The following ANKDD1B variants were observed in gnomAD, a reference collection of about 807,000 sequenced individuals.
The protein encoded by ANKDD1B is ankyrin repeat and death domain-containing protein 1B.
In ANKDD1B, 57 loss-of-function variants were observed where a neutral mutation model predicts 59.7. The observed-to-expected ratio is 0.95, with a 90% CI of 0.77 to 1.19. The LOEUF is 1.19. Among genes scored for constraint, ANKDD1B ranks in the 50% most tolerant of loss-of-function variants. The probability of loss-of-function intolerance (pLI) is 0.00; values close to 1 mark genes in which losing one functional copy is unlikely to be tolerated. For missense variants in ANKDD1B, 602 were observed against 641.9 expected (o/e 0.94, Z 0.67); for synonymous variants, 216 against 239.5 (o/e 0.90, Z 0.91).
intron 7 of ANKDD1B, among the ~76,000 whole-genome samples, chr5:75,650,792 G>A (rs1383568575): frequency 6.6e-6 from 1 of 152,150 alleles, no homozygotes; most frequent in Non-Finnish European, 1.5e-5. Flanking sequence ...AAACAACAAT[G>A]TATTATTATT....
At chr5:75,651,698 A>G (rs1774836047) in intron 7 of ANKDD1B, among the ~76,000 whole-genome samples, 1 of 152,232 alleles carries the variant, frequency 6.6e-6, no homozygotes, top group African/African-American at 2.4e-5. Context: ...GTTCTAGTCC[A>G]CTTCCTACTT....
chr5:75,612,456 A>G (rs570549125), intron 1 of ANKDD1B, among the ~76,000 whole-genome samples: 31 of 146,842 alleles, frequency 2.1e-4, no homozygotes, highest in African/African-American at 7.8e-4. Flanking sequence ...CAGCCTTCCC[A>G]GTACTCAAGC....
chr5:75,615,958 G>A (rs764734741), intron 1 of ANKDD1B, among the ~76,000 whole-genome samples: 1 of 152,056 alleles, frequency 6.6e-6, no homozygotes, highest in Non-Finnish European at 1.5e-5. Flanking sequence ...CTTTGCTTCG[G>A]CAAAAACTTG....
At position 75,663,395 on chromosome 5, in the gene ANKDD1B, A is replaced by G. The variant is rs6869286; in HGVS notation, c.1097A>G (p.Gln366Arg). 18,111 of 1,535,782 alleles carry G rather than the reference A, an allele frequency of 0.012. 1,841 individuals are homozygous for G. In the African/African-American group the frequency reaches 0.22, roughly 19 times the overall value. ...AGCDLKAVDKQGKTALAVASR... is the reference protein window; with the variant it reads ...AGCDLKAVDKRGKTALAVASR... ...ATTTTTTTTCTTTTTTAATTTTAGCAAGGAAAGACTGCCCTGGCTGTGGCC... is the reference window on the plus strand; with the variant it reads ...ATTTTTTTTCTTTTTTAATTTTAGCGAGGAAAGACTGCCCTGGCTGTGGCC... Residue 366 changes from glutamine (Q) to arginine (R), a missense_variant and splice_region_variant, in exon 11 of 14, where the codon CAA becomes CGA. Transcript: ENST00000601380.
At position 75,666,737 on chromosome 5, in the gene ANKDD1B, A is replaced by G. The variant is rs141726698; in HGVS notation, c.1192-55A>G. 11,302 of 1,280,460 alleles carry G rather than the reference A, an allele frequency of 8.8e-3. 84 individuals are homozygous for G. The highest frequency in any genetic ancestry group is 0.04 in the Middle Eastern group (217 of 5,474). 79.3% of individuals were successfully genotyped at this position (1,280,460 alleles called of 1,614,324 possible). On this transcript the variant is annotated intron_variant, in intron 11 of 13. Coordinates refer to ENST00000601380, the MANE Select transcript of ANKDD1B (RefSeq NM_001276713.2). ...TTGAAAAACATATATACTCTGAAATAAGGTAATAAGTAGAACATGTCTGAA... is the reference window on the plus strand; with the variant it reads ...TTGAAAAACATATATACTCTGAAATGAGGTAATAAGTAGAACATGTCTGAA...
intron 3 of ANKDD1B, among the ~76,000 whole-genome samples, chr5:75,621,185 A>G (rs1010572444): frequency 1.3e-5 from 2 of 152,180 alleles, no homozygotes; most frequent in African/African-American, 2.4e-5. Flanking sequence ...CAGGGCCAGT[A>G]GAGAAAAATG....
intron 7 of ANKDD1B, among the ~76,000 whole-genome samples, chr5:75,636,819 G>C (rs1414934980): frequency 6.6e-6 from 1 of 152,124 alleles, no homozygotes; most frequent in Non-Finnish European, 1.5e-5. Context: ...TCTGCCCCCA[G>C]CTGTCTGGCT....
rs1335335330 is a variant in ANKDD1B at position 75,656,101 on chromosome 5, C to T, written c.970C>T (p.Gln324Ter). 3.3e-6 allele frequency: 5 copies of T among 1,523,546 alleles called. No homozygotes were observed. In the East Asian group the frequency reaches 1.2e-4, roughly 37 times the overall value. 94.4% of individuals were successfully genotyped at this position (1,523,546 alleles called of 1,614,324 possible). ...GGTTGTAAACAGTTTATTAAGTGCA[C>T]AGCATGATATTGACATCTTAAATCA... ...ITVVNSLLSA[Q>*]HDIDILNQKQ... Residue 324 changes from glutamine to a stop codon, truncating the protein, a stop_gained, in exon 9 of 14, where the codon CAG (glutamine) becomes TAG (stop). Transcript: ENST00000601380. LOFTEE classifies it high-confidence loss of function.
intron 5 of ANKDD1B, among the ~76,000 whole-genome samples, chr5:75,629,266 C>T (rs1388417926): frequency 1.4e-5 from 2 of 146,548 alleles, no homozygotes; most frequent in Non-Finnish European, 3.0e-5. Context: ...TAACACACTG[C>T]TTTTTTTTTT....
In ANKDD1B at chr5:75,619,485, T is replaced by C. The variant is rs181728623; in HGVS notation, c.298-830T>C. Among the ~76,000 whole-genome samples, 193 of 152,358 alleles carry C rather than the reference T, an allele frequency of 1.3e-3. 1 individual carries two copies. Among genetic ancestry groups the C allele is most frequent in the Admixed American group, 2.9e-3 (44 of 15,306 alleles). ...GCTTTATTCCCAAATAAATATATTT[T>C]CTTTTGAGAGTATCTCTTATTATTT... On this transcript the variant is annotated intron_variant, in intron 2 of 13. Coordinates refer to ENST00000601380, the MANE Select transcript of ANKDD1B (RefSeq NM_001276713.2).
intron 2 of ANKDD1B, among the ~76,000 whole-genome samples, chr5:75,619,311 C>T (rs1359560946): frequency 2.0e-5 from 3 of 152,158 alleles, no homozygotes; most frequent in African/African-American, 7.2e-5. Flanking sequence ...CTAAGACTGG[C>T]GTCAGCTTGT....
At chr5:75,636,206 G>T (rs1774296977) in intron 7 of ANKDD1B, among the ~76,000 whole-genome samples, 1 of 152,182 alleles carries the variant, frequency 6.6e-6, no homozygotes, top group African/African-American at 2.4e-5. Context: ...AATAATAGAA[G>T]TCTACAGAGA....
chr5:75,625,707 C>T lies in ANKDD1B; in HGVS notation c.457C>T (p.Leu153=). The change falls in exon 4 of 14, where the codon CTG becomes TTG. Residue 153 remains leucine, a synonymous_variant. Transcript: ENST00000601380. ...TGGGAGCCTTGAGGTCATGCTCATG[C>T]TGGTTAAAGCTGGAGCAGACCAGAG... The part of the protein sequence containing the change: ...WSGSLEVMLM[L]VKAGADQRAK... 6.5e-7 allele frequency: 1 copy of T among 1,536,384 alleles called. No homozygotes were observed. The highest frequency in any genetic ancestry group is 8.7e-7 in the Non-Finnish European group (1 of 1,146,958).
intron 7 of ANKDD1B, among the ~76,000 whole-genome samples, chr5:75,649,987 A>G (rs1377476257): frequency 6.6e-6 from 1 of 152,144 alleles, no homozygotes; most frequent in African/African-American, 2.4e-5. Flanking sequence ...TGCTCAATAT[A>G]TTTTTTGTGG....
At position 75,625,720 on chromosome 5, in the gene ANKDD1B, G is replaced by T; in HGVS notation, c.470G>T (p.Gly157Val). 6.5e-7 allele frequency: 1 copy of T among 1,536,334 alleles called. No homozygotes were observed. ...GTCATGCTCATGCTGGTTAAAGCTG[G>T]AGCAGACCAGAGAGCCAAGAATCAG... The part of the protein sequence containing the change: ...LEVMLMLVKA[G>V]ADQRAKNQDG... The change falls in exon 4 of 14, where the codon GGA (glycine) becomes GTA (valine). Residue 157 changes from glycine to valine, a missense_variant. By Grantham distance (109) the Gly-to-Val change is moderately radical (BLOSUM62 -3). Coordinates refer to ENST00000601380, the MANE Select transcript of ANKDD1B (RefSeq NM_001276713.2).
At chr5:75,651,449 C>A (rs1774829386) in intron 7 of ANKDD1B, among the ~76,000 whole-genome samples, 1 of 152,232 alleles carries the variant, frequency 6.6e-6, no homozygotes, top group African/African-American at 2.4e-5. Flanking sequence ...GTGCCCGACT[C>A]CTTGGGCACT....
At position 75,654,129 on chromosome 5, in the gene ANKDD1B, A is replaced by G. The variant is rs1774898155; in HGVS notation, c.897+889A>G. Among the ~76,000 whole-genome samples, 5 of 151,926 alleles carry G rather than the reference A, an allele frequency of 3.3e-5. 1 individual carries two copies. In the South Asian group the frequency reaches 1.0e-3, roughly 32 times the overall value. Reference sequence around the variant, plus strand: ...CTGCTCACATCATCTGTCTGCTCTGACCCTTGCTGGCCTCCGACAGTCTCT... The same window carrying G: ...CTGCTCACATCATCTGTCTGCTCTGGCCCTTGCTGGCCTCCGACAGTCTCT... On this transcript the variant is annotated intron_variant, in intron 8 of 13. Transcript: ENST00000601380.
intron 11 of ANKDD1B, among the ~76,000 whole-genome samples, chr5:75,665,563 A>G (rs956154036): frequency 1.3e-5 from 2 of 152,242 alleles, no homozygotes; most frequent in Non-Finnish European, 1.5e-5. Flanking sequence ...AGTAAAGCTG[A>G]GGCTGGGTTG....
intron 10 of ANKDD1B, among the ~76,000 whole-genome samples, chr5:75,660,581 G>A (rs1775109292): frequency 6.6e-6 from 1 of 152,232 alleles, no homozygotes; most frequent in African/African-American, 2.4e-5. Context: ...CTTTCAAGTG[G>A]TGCAGTAATG....
Sources: gnomAD v4.1 joint callset for allele counts (sites outside exome capture counted in the v4.1 genomes callset) on GRCh38, gnomAD v4.1.1 for gene constraint, MANE v1.5 for transcripts, NCBI Gene and HGNC (gene_info 2026-07-23, HGNC 2026-07-21) for gene names.